The following SLCO5A1 variants were observed in gnomAD, a reference collection of about 807,000 sequenced individuals.
SLCO5A1 encodes the protein organic anion transporter polypeptide-related protein 4.
Under a neutral mutation model 65.1 loss-of-function variants are expected in SLCO5A1, and 39 were observed. The ratio of observed to expected loss-of-function variants is 0.60; its 90% CI spans 0.46 to 0.78. SLCO5A1 has a LOEUF of 0.78. SLCO5A1 is among the 30% of genes least tolerant of loss of function. The pLI is 0.00. For missense variants in SLCO5A1, 1,029 were observed against 1,069.4 expected (o/e 0.96, Z 0.53); for synonymous variants, 438 against 415.7 (o/e 1.05, Z -0.65).
chr8:69,809,798 G>A (rs1046986337), intron 2 of SLCO5A1, among the ~76,000 whole-genome samples: 34 of 151,756 alleles, frequency 2.2e-4, no homozygotes, highest in Non-Finnish European at 4.0e-4. Flanking sequence ...TTTTGCTTTG[G>A]TTGTGTTTTG....
intron 5 of SLCO5A1, among the ~76,000 whole-genome samples, chr8:69,716,139 A>AT (rs1815524318): frequency 1.3e-5 from 2 of 152,192 alleles, no homozygotes; most frequent in Non-Finnish European, 2.9e-5. Context: ...GTGTTAAAGC[A>AT]TGTGTGAGTT....
intron 5 of SLCO5A1, among the ~76,000 whole-genome samples, chr8:69,731,294 C>G (rs1816327357): frequency 6.6e-6 from 1 of 152,214 alleles, no homozygotes; most frequent in Admixed American, 6.5e-5. Flanking sequence ...GCTACCACAC[C>G]CAGCCAGTAA....
intron 4 of SLCO5A1, among the ~76,000 whole-genome samples, chr8:69,749,597 C>T (rs1817191697): frequency 6.6e-6 from 1 of 150,876 alleles, no homozygotes; most frequent in Non-Finnish European, 1.5e-5. Context: ...CAGAGCAAGA[C>T]AGAGTGAGAC....
At chr8:69,752,062 C>T (rs982789946) in intron 4 of SLCO5A1, among the ~76,000 whole-genome samples, 8 of 152,100 alleles carry the variant, frequency 5.3e-5, no homozygotes, top group Non-Finnish European at 8.8e-5. Flanking sequence ...AAAACCCCAT[C>T]TGTACAAAAG....
chr8:69,806,738 C>T (rs1367972390), intron 2 of SLCO5A1, among the ~76,000 whole-genome samples: 3 of 152,152 alleles, frequency 2.0e-5, no homozygotes, highest in Admixed American at 2.0e-4. Flanking sequence ...AGAGCTGGTG[C>T]CTATGTCTCA....
intron 2 of SLCO5A1, among the ~76,000 whole-genome samples, chr8:69,808,830 C>T (rs1820114245): frequency 6.6e-6 from 1 of 152,160 alleles, no homozygotes; most frequent in African/African-American, 2.4e-5. Context: ...AGGACCCAGG[C>T]GTGGTGGCTC....
rs1014686827 is a variant in SLCO5A1 at position 69,703,965 on chromosome 8, C to T, written c.1622+1066G>A. Among the ~76,000 whole-genome samples the T allele has an allele frequency of 2.0e-5, 3 of 152,142 alleles. No homozygotes were observed. In the East Asian group the frequency reaches 5.8e-4, roughly 29 times the overall value. On this transcript the variant is annotated intron_variant, in intron 6 of 9. Coordinates refer to ENST00000260126, the MANE Select transcript of SLCO5A1 (RefSeq NM_030958.3). ...ATGGTGTGTGACTTAGCACCTCCTCCCAATTCGGTGTTCAGGGTCGACAAG... is the reference window on the plus strand; with the variant it reads ...ATGGTGTGTGACTTAGCACCTCCTCTCAATTCGGTGTTCAGGGTCGACAAG...
chr8:69,779,551 C>G (rs993362592), intron 2 of SLCO5A1, among the ~76,000 whole-genome samples: 3 of 152,088 alleles, frequency 2.0e-5, no homozygotes, highest in African/African-American at 7.2e-5. Context: ...TTAATGACTA[C>G]CTTTCAGAAA....
rs191183201 is a variant in SLCO5A1 at position 69,797,587 on chromosome 8, C to T, written c.907+34180G>A. On this transcript the variant is annotated intron_variant, in intron 2 of 9. Coordinates refer to ENST00000260126, the MANE Select transcript of SLCO5A1 (RefSeq NM_030958.3). ...AGGAACATCCCTGAGAAAGAGAATACGTCCCTGAGGGCAGGCCTCTAAAAT... is the reference window on the plus strand; with the variant it reads ...AGGAACATCCCTGAGAAAGAGAATATGTCCCTGAGGGCAGGCCTCTAAAAT... Among the ~76,000 whole-genome samples the T allele has an allele frequency of 2.3e-3, 346 of 152,310 alleles. 1 individual carries two copies. The highest frequency in any genetic ancestry group is 7.5e-3 in the African/African-American group (311 of 41,550).
rs575204946 is a variant in SLCO5A1, at chr8:69,830,058, T to C, written c.907+1709A>G. Among the ~76,000 whole-genome samples, 7 of 152,342 alleles carry C rather than the reference T, an allele frequency of 4.6e-5. No homozygotes were observed. The East Asian group carries it at 1.3e-3, about 29-fold the overall frequency. Reference sequence around the variant, plus strand: ...AATGTTAGAAAACAGAGAGGCAAGATGGTAAGCAAGCTATTCTTCTCTACC... The same window carrying C: ...AATGTTAGAAAACAGAGAGGCAAGACGGTAAGCAAGCTATTCTTCTCTACC... On this transcript the variant is annotated intron_variant, in intron 2 of 9. Transcript: ENST00000260126.
chr8:69,782,248 TAAAC>T (rs1276101461), intron 2 of SLCO5A1, among the ~76,000 whole-genome samples: 11 of 151,320 alleles, frequency 7.3e-5, no homozygotes, highest in Non-Finnish European at 1.5e-4. Context: ...AATAAATAAA[TAAAC>T]ATCAAAAATT....
chr8:69,732,421 G>A (rs1204685664), intron 5 of SLCO5A1, among the ~76,000 whole-genome samples: 1 of 152,164 alleles, frequency 6.6e-6, no homozygotes, highest in African/African-American at 2.4e-5. Context: ...AGATCACAGT[G>A]CTCTGAAAAC....
chr8:69,756,461 T>G (rs1563704171), intron 3 of SLCO5A1, among the ~76,000 whole-genome samples: 1 of 152,184 alleles, frequency 6.6e-6, no homozygotes, highest in Non-Finnish European at 1.5e-5. Flanking sequence ...TCACAATACT[T>G]CACCAAGTAT....
Position 69,758,765 on chromosome 8 carries a change from T to C in SLCO5A1, c.1040+2978A>G, listed in dbSNP as rs946237521. 3.6e-4 allele frequency among the ~76,000 whole-genome samples: 55 copies of C among 152,218 alleles called. 1 individual carries two copies. Among genetic ancestry groups the C allele is most frequent in the South Asian group, 4.1e-4 (2 of 4,820 alleles). Reference sequence around the variant, plus strand: ...TGCTAAAGAGGACTCTGAGAAAAGCTGAGACAAGAAAGTGTGCAGTACCTG... The same window carrying C: ...TGCTAAAGAGGACTCTGAGAAAAGCCGAGACAAGAAAGTGTGCAGTACCTG... On this transcript the variant is annotated intron_variant, in intron 3 of 9. Coordinates refer to ENST00000260126, the MANE Select transcript of SLCO5A1 (RefSeq NM_030958.3).
chr8:69,832,791 TG>T lies in SLCO5A1; in HGVS notation c.-119del. 8.0e-7 allele frequency: 1 copy of T among 1,256,758 alleles called. No homozygotes were observed. The highest frequency in any genetic ancestry group is 1.1e-6 in the Non-Finnish European group (1 of 930,904). The allele number at this position is 1,256,758 out of a possible 1,614,324, so 77.9% of individuals were successfully genotyped here. A position where few individuals can be genotyped will look rare whatever the true frequency, so the allele number is the denominator to read the frequency against. On this transcript the variant is annotated 5_prime_UTR_variant, in exon 2 of 10. It removes the in-frame stop codon of an upstream open reading frame in the 5' UTR. Transcript: ENST00000260126. This position sits in a 1 kb window ranked among gnomAD's most constrained non-coding sequence, Gnocchi z 4.5. ...AGTCTTGCCCACCTGGGACTGGGGC[TG>T]GGGGCGCAGGGCCGCGCAGCAGGGC...
Position 69,670,340 on chromosome 8 carries a change from A to G in SLCO5A1, c.*2529T>C, listed in dbSNP as rs1393343787. 6.6e-6 allele frequency: 1 copy of G among 152,186 alleles called. No homozygotes were observed. The highest frequency in any genetic ancestry group is 1.5e-5 in the Non-Finnish European group (1 of 68,034). 9.4% of individuals were successfully genotyped at this position (152,186 alleles called of 1,614,324 possible). ...ACAATTAAATGGTATCATCTACAAA[A>G]CAGTCACTTCAGTTGGCTATGTAAT... is the stretch of plus-strand genomic sequence containing the variant. On this transcript the variant is annotated 3_prime_UTR_variant, in exon 10 of 10. Coordinates refer to ENST00000260126, the MANE Select transcript of SLCO5A1 (RefSeq NM_030958.3).
rs2130779629 is a variant in SLCO5A1, at chr8:69,670,632, T to C, written c.*2237A>G. Reference sequence around the variant, plus strand: ...AGTGGCAGATGGTAATCAGGTAATATGACACCTGAAGATACCTGGCACCTG... The same window carrying C: ...AGTGGCAGATGGTAATCAGGTAATACGACACCTGAAGATACCTGGCACCTG... On this transcript the variant is annotated 3_prime_UTR_variant, in exon 10 of 10. Coordinates refer to ENST00000260126, the MANE Select transcript of SLCO5A1 (RefSeq NM_030958.3). 1 of 152,304 alleles carries C rather than the reference T, an allele frequency of 6.6e-6. No homozygotes were observed. Among genetic ancestry groups the C allele is most frequent in the Non-Finnish European group, 1.5e-5 (1 of 68,038 alleles). 9.4% of individuals were successfully genotyped at this position (152,304 alleles called of 1,614,324 possible). A position where few individuals can be genotyped will look rare whatever the true frequency, so the allele number is the denominator to read the frequency against.
At position 69,694,823 on chromosome 8, in the gene SLCO5A1, T is replaced by C. The variant is rs138275276; in HGVS notation, c.1622+10208A>G. On this transcript the variant is annotated intron_variant, in intron 6 of 9. Coordinates refer to ENST00000260126, the MANE Select transcript of SLCO5A1 (RefSeq NM_030958.3). ...AGTCAGACTGCAAATACTAAAACAA[T>C]TGGGTCCTTGCAGCAGCTTCCAGCA... is the stretch of plus-strand genomic sequence containing the variant. Among the ~76,000 whole-genome samples the C allele has an allele frequency of 4.2e-4, 64 of 152,330 alleles. 1 individual carries two copies. In the South Asian group the frequency reaches 7.2e-3, roughly 17 times the overall value.
At chr8:69,778,233 G>A (rs1055825858) in intron 2 of SLCO5A1, among the ~76,000 whole-genome samples, 1 of 138,644 alleles carries the variant, frequency 7.2e-6, no homozygotes, top group African/African-American at 3.3e-5. Context: ...TATGGGGTGT[G>A]TGTGTGTGTG....
Sources: gnomAD v4.1 joint callset for allele counts (sites outside exome capture counted in the v4.1 genomes callset) on GRCh38, gnomAD v4.1.1 for gene constraint, Gnocchi (gnomAD v3.1) non-coding constraint, MANE v1.5 for transcripts, NCBI Gene and HGNC (gene_info 2026-07-23, HGNC 2026-07-21) for gene names.